The following SLC13A3 variants were observed in gnomAD, a reference collection of about 807,000 sequenced individuals.
SLC13A3 encodes Na(+)/dicarboxylate cotransporter 3.
In SLC13A3, 40 loss-of-function variants were observed where a neutral mutation model predicts 59.0. That is an observed-to-expected ratio of 0.68 (90% CI 0.53 to 0.88). SLC13A3 has a LOEUF of 0.88. SLC13A3 is among the 40% of genes least tolerant of loss of function. The pLI is 0.00. For synonymous variants in SLC13A3, 317 were observed against 330.3 expected, an observed-to-expected ratio of 0.96 and a Z score of 0.44; for missense variants, 699 against 783.2, an observed-to-expected ratio of 0.89 and a Z score of 1.28.
chr20:46,569,182 G>A (rs1274893042), intron 10 of SLC13A3, among the ~76,000 whole-genome samples: 1 of 152,044 alleles, frequency 6.6e-6, no homozygotes, highest in Non-Finnish European at 1.5e-5. Flanking sequence ...TGTAGAGACA[G>A]GGTCTTACTA....
intron 8 of SLC13A3, 124 bp from the exon 9 acceptor site, chr20:46,583,793 G>A: frequency 6.7e-7 from 1 of 1,491,568 alleles, no homozygotes. Flanking sequence ...ATTGTTGGAG[G>A]CTGGGCCACT....
rs145316291 is a variant in SLC13A3 at position 46,561,879 on chromosome 20, G to T, written c.1632+1535C>A. On this transcript the variant is annotated intron_variant, in intron 12 of 12. Coordinates refer to ENST00000279027, the MANE Select transcript of SLC13A3 (RefSeq NM_022829.6). ...TTTGCCAGGGCTCAAAATTCCTGCTGGTCCCATGTTAGCTACTTCATTAAC... is the reference window on the plus strand; with the variant it reads ...TTTGCCAGGGCTCAAAATTCCTGCTTGTCCCATGTTAGCTACTTCATTAAC... Among the ~76,000 whole-genome samples the T allele has an allele frequency of 6.5e-3, 982 of 152,068 alleles. 12 individuals are homozygous for T. The highest frequency in any genetic ancestry group is 0.011 in the Non-Finnish European group (728 of 67,978).
At chr20:46,663,851 T>C (rs1374995665) in intron 1 of SLC13A3, among the ~76,000 whole-genome samples, 1 of 152,190 alleles carries the variant, frequency 6.6e-6, no homozygotes, top group Non-Finnish European at 1.5e-5. Context: ...TATAGGTGTT[T>C]ATTAGATCTG....
At chr20:46,606,414 G>A (rs903920246) in intron 3 of SLC13A3, among the ~76,000 whole-genome samples, 11 of 152,220 alleles carry the variant, frequency 7.2e-5, no homozygotes, top group African/African-American at 2.2e-4. Context: ...TGAGCACCAC[G>A]CTTCACTCAA....
At chr20:46,586,967 A>G (rs1176276298) in intron 8 of SLC13A3, among the ~76,000 whole-genome samples, 2 of 152,262 alleles carry the variant, frequency 1.3e-5, no homozygotes, top group South Asian at 2.1e-4. Context: ...ATTTGCAGAC[A>G]CTGAAATTTG....
intron 12 of SLC13A3, among the ~76,000 whole-genome samples, chr20:46,561,732 A>G (rs2061933279): frequency 6.6e-6 from 1 of 151,526 alleles, no homozygotes; most frequent in Admixed American, 6.6e-5. Context: ...GGTGGGGGAC[A>G]TACTGCGTGT....
chr20:46,563,214 GCA>G (rs1450690499), intron 12 of SLC13A3, among the ~76,000 whole-genome samples, 198 bp downstream of exon 12: 2 of 152,204 alleles, frequency 1.3e-5, no homozygotes, highest in East Asian at 3.8e-4. Context: ...AGTCACTAAG[GCA>G]GTGTTTCCTG....
At position 46,575,721 on chromosome 20, in the gene SLC13A3, C is replaced by G. The variant is rs1490338754; in HGVS notation, c.1220-36G>C. On this transcript the variant is annotated intron_variant, in intron 9 of 12. Transcript: ENST00000279027. Reference sequence around the variant, plus strand: ...AGAGGGATTCAGCACACACTCAGGGCCGCTCAGCCTGAGGCAGAGGCCACC... The same window carrying G: ...AGAGGGATTCAGCACACACTCAGGGGCGCTCAGCCTGAGGCAGAGGCCACC... 7 of 1,377,060 alleles carry G rather than the reference C, an allele frequency of 5.1e-6. No individual in the cohort carries two copies. The South Asian group carries it at 8.1e-5, about 16-fold the overall frequency. 85.3% of individuals were successfully genotyped at this position (1,377,060 alleles called of 1,614,324 possible).
chr20:46,678,644 AT>A (rs763132831), intron 1 of SLC13A3, among the ~76,000 whole-genome samples: 36 of 152,312 alleles, frequency 2.4e-4, no homozygotes, highest in Non-Finnish European at 1.6e-4. Flanking sequence ...CAGGGAGAGA[AT>A]TCTTACATCT....
rs552653392 is a variant in SLC13A3 at position 46,582,522 on chromosome 20, G to T, written c.1219+1050C>A. 2.2e-4 allele frequency: 114 copies of T among 515,112 alleles called. 1 individual carries two copies. In the South Asian group the frequency reaches 8.8e-3, roughly 40 times the overall value. 31.9% of individuals were successfully genotyped at this position (515,112 alleles called of 1,614,324 possible). ...GGAGTCTGAGGTGGGAGGTTCACTGGAGCCCAAGAGTTCGAGACTGCGCTG... is the reference window on the plus strand; with the variant it reads ...GGAGTCTGAGGTGGGAGGTTCACTGTAGCCCAAGAGTTCGAGACTGCGCTG... On this transcript the variant is annotated intron_variant, in intron 9 of 12. Transcript: ENST00000279027.
At chr20:46,676,030 T>C (rs2063123125) in intron 1 of SLC13A3, 1 of 152,198 alleles carries the variant, frequency 6.6e-6, no homozygotes, top group Non-Finnish European at 1.5e-5. Flanking sequence ...TATCTCAGCC[T>C]CCCAAGTAGC....
intron 12 of SLC13A3, among the ~76,000 whole-genome samples, chr20:46,560,910 G>A (rs2146070228): frequency 6.6e-6 from 1 of 152,320 alleles, no homozygotes; most frequent in South Asian, 2.1e-4. Context: ...ATCACATGGT[G>A]AGACAGTTAC....
chr20:46,625,694 A>C (rs1233630525), intron 1 of SLC13A3, among the ~76,000 whole-genome samples: 1 of 152,200 alleles, frequency 6.6e-6, no homozygotes, highest in Non-Finnish European at 1.5e-5. Context: ...TCTGGGATAT[A>C]ATGGAATCAT....
At chr20:46,616,269 T>G (rs1225359892) in intron 1 of SLC13A3, among the ~76,000 whole-genome samples, 1 of 152,156 alleles carries the variant, frequency 6.6e-6, no homozygotes, top group African/African-American at 2.4e-5. Context: ...AATCTCAGTA[T>G]ATAAAACAGA....
At chr20:46,631,027 A>T (rs1390015596) in intron 1 of SLC13A3, among the ~76,000 whole-genome samples, 1 of 152,258 alleles carries the variant, frequency 6.6e-6, no homozygotes, top group Non-Finnish European at 1.5e-5. Context: ...TAACATTGTT[A>T]TTAATAGTAC....
chr20:46,587,322 A>C (rs1302588236), intron 8 of SLC13A3, among the ~76,000 whole-genome samples: 1 of 152,308 alleles, frequency 6.6e-6, no homozygotes, highest in African/African-American at 2.4e-5. Flanking sequence ...AGAGAGGTTG[A>C]GTACCTTACA....
intron 1 of SLC13A3, among the ~76,000 whole-genome samples, chr20:46,649,767 CCT>C (rs1188972399): frequency 6.6e-6 from 1 of 152,112 alleles, no homozygotes; most frequent in African/African-American, 2.4e-5. Flanking sequence ...GCAAAGGTGA[CCT>C]CATCCTTCTT....
At position 46,613,480 on chromosome 20, in the gene SLC13A3, A is replaced by T; in HGVS notation, c.357T>A (p.Leu119=). 6.3e-7 allele frequency: 1 copy of T among 1,599,822 alleles called. No homozygotes were observed. Among genetic ancestry groups the T allele is most frequent in the South Asian group, 1.1e-5 (1 of 88,582 alleles). The change falls in exon 2 of 13, where the codon CTT becomes CTA. Residue 119 remains leucine, a synonymous_variant. Coordinates refer to ENST00000279027, the MANE Select transcript of SLC13A3 (RefSeq NM_022829.6). ...CTTACCTGGCCGGCTGGACTCCAAC[A>T]AGCATCAGGATCTTGAGGGCGATTC... ...HRRIALKILM[L]VGVQPARLIL...
intron 1 of SLC13A3, among the ~76,000 whole-genome samples, chr20:46,664,165 T>C (rs959702300): frequency 2.6e-5 from 4 of 152,028 alleles, no homozygotes; most frequent in African/African-American, 4.8e-5. Context: ...GGCATCAGGA[T>C]TTTTTTTAAG....
Sources: allele counts gnomAD v4.1 joint callset (sites outside exome capture counted in the v4.1 genomes callset), GRCh38; gene constraint gnomAD v4.1.1; transcripts MANE v1.5; gene names NCBI Gene and HGNC (gene_info 2026-07-23, HGNC 2026-07-21).